LTK: variants seen among roughly 807,000 people sequenced by gnomAD.
LTK encodes the protein leukocyte receptor tyrosine kinase.
A neutral mutation model predicts 101.5 loss-of-function variants in LTK; 117 were observed. That is an observed-to-expected ratio of 1.15 (90% confidence interval 0.99 to 1.34). LTK has a LOEUF of 1.34. Among genes scored for constraint, LTK ranks in the 40% most tolerant of loss-of-function variants. The pLI is 0.00. For missense variants in LTK, 1,252 were observed against 1,164.7 expected, an observed-to-expected ratio of 1.07 and a Z score of -1.09; for synonymous variants, 563 against 494.2, an observed-to-expected ratio of 1.14 and a Z score of -1.85.
intron 11 of LTK, 145 bp downstream of exon 11, chr15:41,506,950 C>G (rs1435329590): frequency 5.9e-6 from 4 of 677,274 alleles, no homozygotes; most frequent in Non-Finnish European, 9.9e-6. Flanking sequence ...ACTTCCCCTT[C>G]TGGAGCTTCT....
In LTK at chr15:41,513,800, C is replaced by T. The variant is rs911564319; in HGVS notation, c.-91G>A. 5.2e-6 allele frequency: 6 copies of T among 1,157,470 alleles called. No homozygotes were observed. The highest frequency in any genetic ancestry group is 4.7e-5 in the East Asian group (2 of 42,124). The allele number at this position is 1,157,470 out of a possible 1,614,324, so 71.7% of individuals were successfully genotyped here. A position where few individuals can be genotyped will look rare whatever the true frequency, so the allele number is the denominator to read the frequency against. On this transcript the variant is annotated 5_prime_UTR_variant, in exon 1 of 20. Transcript: ENST00000263800. ...TTGACAGCTCATTTTGCCACGGCAG[C>T]CCTGGCCACCACTTACAGGGGTGTG...
At chr15:41,505,178 G>A (rs373624324) in intron 15 of LTK, 30 bp downstream of exon 15, 21 of 1,604,894 alleles carry the variant, frequency 1.3e-5, no homozygotes, top group Non-Finnish European at 1.8e-5. Context: ...AGTTGGGATG[G>A]GGGTCCCCTG....
At chr15:41,505,357 A>G (rs769968552) in intron 14 of LTK, 44 bp downstream of exon 14, 3 of 1,603,534 alleles carry the variant, frequency 1.9e-6, no homozygotes, top group Middle Eastern at 1.7e-4. Context: ...ACACATGGAC[A>G]GGGTCTTTAG....
In LTK at chr15:41,504,980, A is replaced by G. The variant is rs1302010873; in HGVS notation, c.2010T>C (p.Asp670=). ...CCTCCCAAGTCCCGCACCGGTAGATATCTCGTGCCATCCCAAAGTCCCCAA... is the reference window on the plus strand; with the variant it reads ...CCTCCCAAGTCCCGCACCGGTAGATGTCTCGTGCCATCCCAAAGTCCCCAA... ...AKIGDFGMAR[D]IYRASYYRRG... is the part of the protein sequence containing the mutation. Residue 670 remains aspartate, a synonymous_variant, in exon 16 of 20, where the codon GAT becomes GAC. Transcript: ENST00000263800. 2 of 1,611,500 alleles carry G rather than the reference A, an allele frequency of 1.2e-6. No homozygotes were observed. Among genetic ancestry groups the G allele is most frequent in the Non-Finnish European group, 1.7e-6 (2 of 1,178,716 alleles).
chr15:41,504,062 G>T lies in LTK; in HGVS notation c.2529C>A (p.Gly843=), dbSNP rs1401638138. The T allele has an allele frequency of 6.2e-7, 1 of 1,613,886 alleles. No homozygotes were observed. Among genetic ancestry groups the T allele is most frequent in the Middle Eastern group, 1.7e-4 (1 of 6,058 alleles). ...GGCCCCTGGATTTGAGGGGCTTGAG[G>T]CCAGAGGACAGCCAGGGGCCAAGAG... ...GSPLGPWLSS[G]LKPLKSRGLQ... The change falls in exon 20 of 20, where the codon GGC becomes GGA. Residue 843 remains glycine (G), a synonymous_variant. Transcript: ENST00000263800.
intron 8 of LTK, among the ~76,000 whole-genome samples, chr15:41,508,504 C>G (rs1233184019): frequency 6.6e-6 from 1 of 151,818 alleles, no homozygotes; most frequent in Non-Finnish European, 1.5e-5. Context: ...TTGCAGTGAC[C>G]CAAGATCGCA....
In LTK at chr15:41,505,313, A is replaced by T; in HGVS notation, c.1828-8T>A. 4 of 1,613,870 alleles carry T rather than the reference A, an allele frequency of 2.5e-6. No homozygotes were observed. The highest frequency in any genetic ancestry group is 3.4e-6 in the Non-Finnish European group (4 of 1,179,890). On this transcript the variant is annotated splice_polypyrimidine_tract_variant and splice_region_variant and intron_variant, in intron 14 of 19. Transcript: ENST00000263800. ...CAGAGGTGATGGCTGGCCCTGGGTC[A>T]GGCAGAGGGGGCATCAGTCCATGTA...
intron 9 of LTK, 22 bp from the exon 10 acceptor site, chr15:41,507,679 T>A: frequency 6.2e-7 from 1 of 1,605,810 alleles, no homozygotes; most frequent in African/African-American, 1.3e-5. Flanking sequence ...GAGAGACACC[T>A]CCAGTGGGAA....
intron 11 of LTK, 122 bp from the exon 12 acceptor site, chr15:41,506,127 C>T: frequency 1.6e-6 from 1 of 640,504 alleles, no homozygotes; most frequent in South Asian, 1.9e-5. Context: ...TATAGACTCT[C>T]TCCATACCAT....
Position 41,505,976 on chromosome 15 carries a change from A to G in LTK, c.1571T>C (p.Val524Ala), listed in dbSNP as rs2051267386. 1.2e-6 allele frequency: 2 copies of G among 1,613,512 alleles called. No homozygotes were observed. Among genetic ancestry groups the G allele is most frequent in the Non-Finnish European group, 1.7e-6 (2 of 1,179,830 alleles). The part of the protein sequence containing the change: ...RALGHGAFGE[V>A]YEGLVIGLPG... ...AAGGCCAATTACCAGTCCCTCATAC[A>G]CCTCCCCAAAGGCACCATGGCCCAG... is the stretch of plus-strand genomic sequence containing the variant. Residue 524 changes from valine (V) to alanine (A), a missense_variant, in exon 12 of 20, where the codon GTG (valine) becomes GCG (alanine). Val to Ala is a moderately conservative substitution (Grantham distance 64). Transcript: ENST00000263800.
chr15:41,505,086 TCA>T (rs2051219904), intron 15 of LTK, 22 bp from the exon 16 acceptor site: 13 of 1,596,124 alleles, frequency 8.1e-6, no homozygotes, highest in East Asian at 2.2e-5. Context: ...GCAAAAAAAA[TCA>T]CTGCCAGAAT....
chr15:41,513,640 G>T (rs369954654), intron 1 of LTK, 27 bp downstream of exon 1: 1 of 1,611,428 alleles, frequency 6.2e-7, no homozygotes, highest in Non-Finnish European at 8.5e-7. Flanking sequence ...AGGCTGGACG[G>T]TCCCCTGACC....
At chr15:41,508,307 G>T in intron 8 of LTK, 86 bp from the exon 9 acceptor site, 2 of 1,184,918 alleles carry the variant, frequency 1.7e-6, no homozygotes, top group Non-Finnish European at 2.3e-6. Flanking sequence ...AGTGGCACAC[G>T]CCTATAATCA....
At chr15:41,513,516 C>T in intron 1 of LTK, 151 bp downstream of exon 1, 1 of 731,982 alleles carries the variant, frequency 1.4e-6, no homozygotes, top group Admixed American at 2.3e-5. Context: ...CTTCTCGGCC[C>T]GCACTCCAGA....
Position 41,511,147 on chromosome 15 carries a change from T to G in LTK, c.997+17A>C. ...CCCTCGGGCCTGCTCAGCTGCCCTC[T>G]CCAACGGTGCACCTACCCCTGTAGC... On this transcript the variant is annotated intron_variant, in intron 7 of 19. Transcript: ENST00000263800. This position sits in a 1 kb window ranked among gnomAD's most constrained non-coding sequence, Gnocchi z 5.9. 3 of 1,397,252 alleles carry G rather than the reference T, an allele frequency of 2.1e-6. No homozygotes were observed. The highest frequency in any genetic ancestry group is 5.9e-5 in the Admixed American group (2 of 33,744). The allele number at this position is 1,397,252 out of a possible 1,614,324, so 86.6% of individuals were successfully genotyped here. A position where few individuals can be genotyped will look rare whatever the true frequency, so the allele number is the denominator to read the frequency against.
chr15:41,513,206 C>T lies in LTK; in HGVS notation c.44-86G>A, dbSNP rs2051551685. 5 of 1,462,816 alleles carry T rather than the reference C, an allele frequency of 3.4e-6. No homozygotes were observed. The Admixed American group carries it at 7.9e-5, about 23-fold the overall frequency. 90.6% of individuals were successfully genotyped at this position (1,462,816 alleles called of 1,614,324 possible). ...AAGAGAGAACCCCGCAACAGCTGCC[C>T]TTGCGGTCGCGGCCACACCCGTCAC... On this transcript the variant is annotated intron_variant, in intron 1 of 19. Coordinates refer to ENST00000263800, the MANE Select transcript of LTK (RefSeq NM_002344.6).
At position 41,511,085 on chromosome 15, in the gene LTK, G is replaced by A; in HGVS notation, c.997+79C>T. ...GCCTCTCCCACACCTATCCTCCCGA[G>A]GGCTCCGGCCTGTACTTAGGTTCTA... On this transcript the variant is annotated intron_variant, in intron 7 of 19. Transcript: ENST00000263800. This position sits in a 1 kb window ranked among gnomAD's most constrained non-coding sequence, Gnocchi z 5.9. 2 of 1,293,288 alleles carry A rather than the reference G, an allele frequency of 1.5e-6. No homozygotes were observed. Among genetic ancestry groups the A allele is most frequent in the Non-Finnish European group, 2.0e-6 (2 of 1,018,586 alleles). The allele number at this position is 1,293,288 out of a possible 1,614,324, so 80.1% of individuals were successfully genotyped here.
At chr15:41,505,129 C>T in intron 15 of LTK, 65 bp from the exon 16 acceptor site, 2 of 1,586,344 alleles carry the variant, frequency 1.3e-6, no homozygotes, top group Non-Finnish European at 1.7e-6. Flanking sequence ...TGATCTATTT[C>T]CTTAAAAGCT....
Position 41,507,160 on chromosome 15 carries a change from C to A in LTK, c.1476G>T (p.Pro492=). Residue 492 remains proline (P), a synonymous_variant, in exon 11 of 20, where the codon CCG becomes CCT. Coordinates refer to ENST00000263800, the MANE Select transcript of LTK (RefSeq NM_002344.6). ...NPYYCQVGLG[P]AQSWPLPPGV... is the part of the protein sequence containing the mutation. ...CTGGTGGCAGAGGCCAGGACTGGGC[C>A]GGGCCAAGCCCCACCTGGCAATAAT... The A allele has an allele frequency of 3.7e-6, 6 of 1,613,650 alleles. No individual in the cohort carries two copies. The highest frequency in any genetic ancestry group is 5.1e-6 in the Non-Finnish European group (6 of 1,179,918).
Sources: gnomAD v4.1 joint callset for allele counts (sites outside exome capture counted in the v4.1 genomes callset) on GRCh38, gnomAD v4.1.1 for gene constraint, Gnocchi (gnomAD v3.1) non-coding constraint, MANE v1.5 for transcripts, NCBI Gene and HGNC (gene_info 2026-07-23, HGNC 2026-07-21) for gene names.